Variants in CA10 observed in about 807,000 individuals in gnomAD.
CA10 encodes the protein carbonic anhydrase 10 (inactive), also known as carbonic anhydrase-related protein 10.
CA10 carries 14 observed loss-of-function variants against 44.2 expected under a neutral mutation model. The observed-to-expected ratio is 0.32, with a 90% CI of 0.21 to 0.50. The LOEUF is 0.50. Among genes scored for constraint, CA10 ranks in the 20% least tolerant of loss-of-function variants. The pLI is 0.99. For synonymous variants in CA10, 159 were observed against 141.6 expected (o/e 1.12, Z -0.87); for missense variants, 350 against 409.7 (o/e 0.85, Z 1.26).
At chr17:51,780,873 C>G (rs1906030261) in intron 3 of CA10, among the ~76,000 whole-genome samples, 2 of 152,184 alleles carry the variant, frequency 1.3e-5, no homozygotes, top group African/African-American at 4.8e-5. Flanking sequence ...AAGCAAAGAT[C>G]TTAGGATTTG....
At position 52,135,571 on chromosome 17, in the gene CA10, C is replaced by T. The variant is rs575649467; in HGVS notation, c.61+22155G>A. 4.7e-4 allele frequency among the ~76,000 whole-genome samples: 72 copies of T among 152,292 alleles called. No homozygotes were observed. The Middle Eastern group carries it at 0.01, about 22-fold the overall frequency. On this transcript the variant is annotated intron_variant, in intron 1 of 8. Transcript: ENST00000451037. ...ATGTATATTTGGCCACCTTGCTCAG[C>T]GCACGTTCCTATTCCCTTTACCTCT...
rs113071370 is a variant in CA10 at position 51,951,467 on chromosome 17, T to C, written c.137-20335A>G. Reference sequence around the variant, plus strand: ...TATGATGCTCCATTACTTAATTATCTTATAACTCTTAGGGCTTAGTTGCCC... The same window carrying C: ...TATGATGCTCCATTACTTAATTATCCTATAACTCTTAGGGCTTAGTTGCCC... On this transcript the variant is annotated intron_variant, in intron 2 of 8. Coordinates refer to ENST00000451037, the MANE Select transcript of CA10 (RefSeq NM_020178.5). 5.3e-5 allele frequency among the ~76,000 whole-genome samples: 8 copies of C among 152,274 alleles called. No homozygotes were observed. In the South Asian group the frequency reaches 1.7e-3, roughly 32 times the overall value.
chr17:51,761,136 C>T (rs899690817), intron 3 of CA10: 1 of 152,154 alleles, frequency 6.6e-6, no homozygotes, highest in Non-Finnish European at 1.5e-5. Context: ...CTGAGGATAC[C>T]AGGCTCTGAG....
intron 3 of CA10, among the ~76,000 whole-genome samples, chr17:51,864,973 C>T (rs1979479694): frequency 6.6e-6 from 1 of 152,060 alleles, no homozygotes; most frequent in Non-Finnish European, 1.5e-5. Context: ...GTGCTGGGTG[C>T]CAAGAATACC....
intron 4 of CA10, among the ~76,000 whole-genome samples, chr17:51,724,799 C>T (rs1030223942): frequency 1.3e-5 from 2 of 152,174 alleles, no homozygotes; most frequent in East Asian, 1.9e-4. Flanking sequence ...AATTCCATTC[C>T]TTCCATGCAA....
intron 3 of CA10, among the ~76,000 whole-genome samples, chr17:51,877,848 AAC>A (rs1567870342): frequency 6.6e-6 from 1 of 152,088 alleles, no homozygotes; most frequent in Non-Finnish European, 1.5e-5. Context: ...GAGGTATAAA[AAC>A]ACAGTGATTC....
chr17:51,954,939 C>A (rs570604106), intron 2 of CA10, among the ~76,000 whole-genome samples: 1 of 152,208 alleles, frequency 6.6e-6, no homozygotes, highest in Non-Finnish European at 1.5e-5. Context: ...GTCTGTGTAA[C>A]AGATAATGTA....
intron 1 of CA10, among the ~76,000 whole-genome samples, chr17:52,108,095 T>C (rs1352296801): frequency 6.6e-6 from 1 of 151,038 alleles, no homozygotes; most frequent in East Asian, 1.9e-4. Flanking sequence ...CCAGGCACTA[T>C]TCTATCAGGC....
chr17:52,091,245 C>T (rs1988257297), intron 1 of CA10, among the ~76,000 whole-genome samples: 1 of 151,958 alleles, frequency 6.6e-6, no homozygotes. Flanking sequence ...ATTTTCTAAC[C>T]ACTATTTTCC....
chr17:51,861,360 T>A (rs1979296256), intron 3 of CA10, among the ~76,000 whole-genome samples: 1 of 151,856 alleles, frequency 6.6e-6, no homozygotes, highest in Non-Finnish European at 1.5e-5. Context: ...ATGCATGAGT[T>A]AAAATGGCAA....
intron 2 of CA10, among the ~76,000 whole-genome samples, chr17:52,026,193 G>T (rs1214645885): frequency 3.9e-5 from 6 of 152,208 alleles, no homozygotes; most frequent in African/African-American, 1.4e-4. Context: ...CCACTGAGGT[G>T]GAACAGAGTG....
At chr17:52,079,142 C>T (rs1987896238) in intron 1 of CA10, among the ~76,000 whole-genome samples, 1 of 152,202 alleles carries the variant, frequency 6.6e-6, no homozygotes, top group Admixed American at 6.5e-5. Context: ...AAAAATTAGC[C>T]GGGCGCTGTG....
intron 3 of CA10, among the ~76,000 whole-genome samples, chr17:51,814,018 C>T (rs1907473246): frequency 6.6e-6 from 1 of 152,172 alleles, no homozygotes; most frequent in African/African-American, 2.4e-5. Context: ...ACTGACATTG[C>T]AGAGAGTGCT....
chr17:52,075,785 A>G (rs1423756368), intron 1 of CA10, among the ~76,000 whole-genome samples: 1 of 152,154 alleles, frequency 6.6e-6, no homozygotes, highest in African/African-American at 2.4e-5. Flanking sequence ...ACATGTGCTA[A>G]AAGAGGATAA....
intron 2 of CA10, among the ~76,000 whole-genome samples, chr17:52,032,263 C>T (rs1986490372): frequency 3.3e-5 from 5 of 152,094 alleles, no homozygotes; most frequent in Admixed American, 3.3e-4. Flanking sequence ...CCAAGGCAAC[C>T]AAAGGATATC....
At chr17:51,707,411 G>A (rs1915794179) in intron 4 of CA10, among the ~76,000 whole-genome samples, 1 of 152,130 alleles carries the variant, frequency 6.6e-6, no homozygotes, top group Non-Finnish European at 1.5e-5. Context: ...GTCAGAATCT[G>A]ATAAGGTATA....
chr17:51,919,905 G>T (rs1982162046), intron 3 of CA10, among the ~76,000 whole-genome samples: 1 of 152,122 alleles, frequency 6.6e-6, no homozygotes, highest in Non-Finnish European at 1.5e-5. Flanking sequence ...GCCTGCCTTG[G>T]CCTGCTAAAG....
At chr17:52,012,922 G>A (rs1985847099) in intron 2 of CA10, among the ~76,000 whole-genome samples, 1 of 151,914 alleles carries the variant, frequency 6.6e-6, no homozygotes, top group Admixed American at 6.6e-5. Context: ...CTGTAGATAG[G>A]GAGTTAGGAA....
chr17:52,107,488 T>C (rs982855418), intron 1 of CA10, among the ~76,000 whole-genome samples: 2 of 152,210 alleles, frequency 1.3e-5, no homozygotes. Context: ...CTCCCCATAC[T>C]TGTAGCTGAA....
Sources: gnomAD v4.1 joint callset for allele counts (sites outside exome capture counted in the v4.1 genomes callset) on GRCh38, gnomAD v4.1.1 for gene constraint, MANE v1.5 for transcripts, NCBI Gene and HGNC (gene_info 2026-07-23, HGNC 2026-07-21) for gene names.